Variants in SORCS3 observed in about 807,000 individuals in gnomAD.
The protein encoded by SORCS3 is sortilin related VPS10 domain containing receptor 3.
A neutral mutation model predicts 146.3 loss-of-function variants in SORCS3; 57 were observed. The observed-to-expected ratio is 0.39, with a 90% CI of 0.31 to 0.49. SORCS3 has a LOEUF of 0.49. Among genes scored for constraint, SORCS3 ranks in the 20% least tolerant of loss-of-function variants. SORCS3 has a pLI of 0.92. For missense variants in SORCS3, 1,341 were observed against 1,575.5 expected (o/e 0.85, Z 2.52); for synonymous variants, 653 against 618.5 (o/e 1.06, Z -0.83).
intron 8 of SORCS3, among the ~76,000 whole-genome samples, chr10:105,144,350 A>G (rs2056116106): frequency 6.6e-6 from 1 of 152,170 alleles, no homozygotes; most frequent in African/African-American, 2.4e-5. Context: ...TCAGAAGACA[A>G]CTTCTTGAGG....
chr10:104,831,745 A>G (rs2018002944), intron 1 of SORCS3, among the ~76,000 whole-genome samples: 1 of 152,232 alleles, frequency 6.6e-6, no homozygotes, highest in Non-Finnish European at 1.5e-5. Flanking sequence ...TGTTCAAAAG[A>G]CCAGTGTAGG....
intron 3 of SORCS3, among the ~76,000 whole-genome samples, chr10:104,966,183 T>A (rs1217559168): frequency 6.6e-6 from 1 of 151,944 alleles, no homozygotes; most frequent in Non-Finnish European, 1.5e-5. Context: ...CTGTGATAAT[T>A]AACATATCTC....
At chr10:104,644,210 T>C (rs887930664) in intron 1 of SORCS3, among the ~76,000 whole-genome samples, 5 of 152,256 alleles carry the variant, frequency 3.3e-5, no homozygotes, top group African/African-American at 1.2e-4. Flanking sequence ...GGTTGTGCTC[T>C]TGGCCAGCCT....
chr10:104,868,910 T>C (rs2018487963), intron 2 of SORCS3, among the ~76,000 whole-genome samples: 1 of 152,206 alleles, frequency 6.6e-6, no homozygotes, highest in African/African-American at 2.4e-5. Context: ...AATGCAAATA[T>C]TTTTCATGTT....
At chr10:104,854,446 T>C (rs181584798) in intron 2 of SORCS3, among the ~76,000 whole-genome samples, 19 of 152,320 alleles carry the variant, frequency 1.2e-4, no homozygotes, top group Non-Finnish European at 2.4e-4. Context: ...TAAGAAATAA[T>C]ACAGAGAGAT....
At position 104,696,673 on chromosome 10, in the gene SORCS3, A is replaced by AATATAT. The variant is rs1564661580; in HGVS notation, c.627+54720_627+54721insTATATA. On this transcript the variant is annotated intron_variant, in intron 1 of 26. Coordinates refer to ENST00000369701, the MANE Select transcript of SORCS3 (RefSeq NM_014978.3). ...TATTATATACGTATATATAATATAT[A>AATATAT]ACATATATAATATATAATATATATT... Among the ~76,000 whole-genome samples the AATATAT allele has an allele frequency of 4.4e-3, 40 of 9,144 alleles. 7 individuals are homozygous for AATATAT. The highest frequency in any genetic ancestry group is 6.6e-3 in the Non-Finnish European group (34 of 5,150). The allele number at this position is 9,144 out of a possible 152,430, so 6.0% of individuals were successfully genotyped here. A position where few individuals can be genotyped will look rare whatever the true frequency, so the allele number is the denominator to read the frequency against.
chr10:105,104,437 C>G (rs1221361739), intron 6 of SORCS3, among the ~76,000 whole-genome samples: 1 of 152,058 alleles, frequency 6.6e-6, no homozygotes, highest in South Asian at 2.1e-4. Context: ...ATCAGAAAGC[C>G]TTTTGGAGCC....
intron 1 of SORCS3, among the ~76,000 whole-genome samples, chr10:104,743,851 C>T (rs2016877801): frequency 6.6e-6 from 1 of 152,198 alleles, no homozygotes; most frequent in South Asian, 2.1e-4. Context: ...AAATTAAAAG[C>T]ATCCTTTTAT....
intron 4 of SORCS3, among the ~76,000 whole-genome samples, chr10:105,032,334 C>T (rs973919293): frequency 3.3e-5 from 5 of 152,182 alleles, no homozygotes; most frequent in African/African-American, 1.2e-4. Context: ...TATCCTCCTT[C>T]AGGAAGTGTG....
intron 2 of SORCS3, among the ~76,000 whole-genome samples, chr10:104,882,987 C>T (rs180751327): frequency 6.6e-6 from 1 of 152,326 alleles, no homozygotes; most frequent in Admixed American, 6.5e-5. Flanking sequence ...TATGGAATCA[C>T]AGGGAGGAAG....
intron 7 of SORCS3, among the ~76,000 whole-genome samples, chr10:105,111,172 T>A (rs1242813492): frequency 6.6e-6 from 1 of 152,218 alleles, no homozygotes; most frequent in African/African-American, 2.4e-5. Context: ...CTTTCTTATA[T>A]ATTTTTTTCC....
chr10:104,757,065 G>GGTTTTT (rs1564676483), intron 1 of SORCS3, among the ~76,000 whole-genome samples: 1 of 114,240 alleles, frequency 8.8e-6, no homozygotes, highest in African/African-American at 3.5e-5. Flanking sequence ...CCAAGTTAAG[G>GGTTTTT]GTTTTTTTTT....
At chr10:104,925,078 G>C (rs1159398935) in intron 3 of SORCS3, among the ~76,000 whole-genome samples, 1 of 152,020 alleles carries the variant, frequency 6.6e-6, no homozygotes, top group Non-Finnish European at 1.5e-5. Context: ...TCCCCTGACA[G>C]GCCCCAGTGT....
chr10:104,958,115 C>A (rs1171818556), intron 3 of SORCS3, among the ~76,000 whole-genome samples: 1 of 152,124 alleles, frequency 6.6e-6, no homozygotes, highest in Admixed American at 6.6e-5. Flanking sequence ...CCTTTGTTTG[C>A]ACTAATTCTT....
chr10:105,157,309 G>T (rs1394503310), intron 10 of SORCS3, 25 bp downstream of exon 10: 11 of 1,612,514 alleles, frequency 6.8e-6, no homozygotes, highest in Non-Finnish European at 9.3e-6. Context: ...CTCATGGGAA[G>T]TTCACAGGGC....
At chr10:105,218,128 C>A (rs2056676383) in intron 19 of SORCS3, among the ~76,000 whole-genome samples, 2 of 152,306 alleles carry the variant, frequency 1.3e-5, no homozygotes, top group South Asian at 4.1e-4. Flanking sequence ...AGTCTCCTGG[C>A]TCTCCAGTCA....
At chr10:105,263,174 T>C (rs2056971642) in intron 26 of SORCS3, 136 bp from the exon 27 acceptor site, 1 of 702,180 alleles carries the variant, frequency 1.4e-6, no homozygotes, top group African/African-American at 1.8e-5. Context: ...TAGGTAACGA[T>C]ATCCGGGTGC....
chr10:104,709,406 T>C (rs1395139532), intron 1 of SORCS3, among the ~76,000 whole-genome samples: 1 of 152,154 alleles, frequency 6.6e-6, no homozygotes, highest in Non-Finnish European at 1.5e-5. Context: ...AATTCTCCCC[T>C]GTTTTTTTGA....
In SORCS3 at chr10:104,788,683, A is replaced by G. The variant is rs1177914717; in HGVS notation, c.628-54109A>G. Among the ~76,000 whole-genome samples, 3 of 152,200 alleles carry G rather than the reference A, an allele frequency of 2.0e-5. No homozygotes were observed. In the South Asian group the frequency reaches 6.2e-4, roughly 32 times the overall value. ...TCAAATCACTTAATGTTAAAAATGA[A>G]TTTCAGATCTAATAGTGGCTAGCAA... On this transcript the variant is annotated intron_variant, in intron 1 of 26. Transcript: ENST00000369701.
Sources: gnomAD v4.1 joint callset for allele counts (sites outside exome capture counted in the v4.1 genomes callset) on GRCh38, gnomAD v4.1.1 for gene constraint, MANE v1.5 for transcripts, NCBI Gene and HGNC (gene_info 2026-07-23, HGNC 2026-07-21) for gene names.